Variants in OSBPL6 observed in about 807,000 individuals in gnomAD.
OSBPL6 encodes the protein oxysterol binding protein like 6, also known as oxysterol-binding protein-related protein 6.
OSBPL6 carries 49 observed loss-of-function variants against 125.8 expected under a neutral mutation model. That is an observed-to-expected ratio of 0.39 (90% confidence interval 0.31 to 0.49). The LOEUF is 0.49. OSBPL6 is among the 20% of genes least tolerant of loss of function. The pLI, the probability that OSBPL6 is intolerant of heterozygous loss-of-function variation, is 0.88. For missense variants in OSBPL6, 986 were observed against 1,135.4 expected (o/e 0.87, Z 1.89); for synonymous variants, 394 against 391.8 (o/e 1.01, Z -0.07).
At chr2:178,298,963 T>G (rs1428944777) in intron 2 of OSBPL6, among the ~76,000 whole-genome samples, 3 of 152,232 alleles carry the variant, frequency 2.0e-5, no homozygotes, top group African/African-American at 4.8e-5. Context: ...TTATGAGTCA[T>G]CATTTAAGGT....
At position 178,340,205 on chromosome 2, in the gene OSBPL6, G is replaced by T. The variant is rs565183430; in HGVS notation, c.987+441G>T. ...AGGAGGTTCAATAGATTAGAAATCA[G>T]CAAACCCAGATTCTAGTCTAATCAC... On this transcript the variant is annotated intron_variant, in intron 11 of 24. Coordinates refer to ENST00000190611, the MANE Select transcript of OSBPL6 (RefSeq NM_032523.4). 2.8e-3 allele frequency among the ~76,000 whole-genome samples: 425 copies of T among 152,088 alleles called. 2 individuals are homozygous for T. The highest frequency in any genetic ancestry group is 9.5e-3 in the African/African-American group (396 of 41,524).
chr2:178,209,332 C>T (rs145010219), intron 1 of OSBPL6, among the ~76,000 whole-genome samples: 1 of 152,028 alleles, frequency 6.6e-6, no homozygotes, highest in African/African-American at 2.4e-5. Flanking sequence ...GTGATTTCCT[C>T]AACTTTATTT....
intron 1 of OSBPL6, among the ~76,000 whole-genome samples, chr2:178,267,527 G>A (rs2092273221): frequency 1.3e-5 from 2 of 152,032 alleles, no homozygotes; most frequent in Admixed American, 6.6e-5. Flanking sequence ...TCTCGTTGTA[G>A]GATATATGTA....
At chr2:178,374,436 AG>A (rs1172299127) in intron 15 of OSBPL6, among the ~76,000 whole-genome samples, 2 of 152,226 alleles carry the variant, frequency 1.3e-5, no homozygotes, top group Admixed American at 1.3e-4. Flanking sequence ...TATTTTTGCT[AG>A]GGACATGAAT....
At chr2:178,345,265 C>G (rs192523055) in intron 11 of OSBPL6, among the ~76,000 whole-genome samples, 23 of 152,242 alleles carry the variant, frequency 1.5e-4, no homozygotes, top group Admixed American at 3.9e-4. Flanking sequence ...CTTGCTGTCA[C>G]TAAGGGTGGA....
At chr2:178,310,938 G>A (rs765011935) in intron 3 of OSBPL6, among the ~76,000 whole-genome samples, 9 of 152,064 alleles carry the variant, frequency 5.9e-5, no homozygotes, top group African/African-American at 1.7e-4. Context: ...CTGGACTATC[G>A]TCACAGTTTT....
In OSBPL6 at chr2:178,394,522, TG is replaced by T; in HGVS notation, c.2696+90del. 4.2e-6 allele frequency: 6 copies of T among 1,436,564 alleles called. No individual in the cohort carries two copies. The South Asian group carries it at 6.8e-5, about 16-fold the overall frequency. The allele number at this position is 1,436,564 out of a possible 1,614,324, so 89.0% of individuals were successfully genotyped here. ...AAACTCCAGTTAAATGAAAATAAAA[TG>T]GGTAAATGGATTTTGGTATCTTTGC... On this transcript the variant is annotated intron_variant, in intron 24 of 24. Coordinates refer to ENST00000190611, the MANE Select transcript of OSBPL6 (RefSeq NM_032523.4).
chr2:178,293,034 T>TAA (rs2154047669), intron 2 of OSBPL6, among the ~76,000 whole-genome samples: 1 of 152,258 alleles, frequency 6.6e-6, no homozygotes, highest in African/African-American at 2.4e-5. Flanking sequence ...TATAAGTAGT[T>TAA]AAAGTTTCAG....
intron 4 of OSBPL6, among the ~76,000 whole-genome samples, chr2:178,327,280 G>A (rs1688781483): frequency 6.6e-6 from 1 of 152,148 alleles, no homozygotes; most frequent in Non-Finnish European, 1.5e-5. Context: ...ACTTTCACAA[G>A]TCACACAGAA....
At chr2:178,247,996 T>C (rs1354879642) in intron 1 of OSBPL6, among the ~76,000 whole-genome samples, 1 of 152,190 alleles carries the variant, frequency 6.6e-6, no homozygotes, top group Non-Finnish European at 1.5e-5. Flanking sequence ...CTTGATTATG[T>C]GGTCTTTTGG....
At chr2:178,286,993 A>G (rs541258775) in intron 2 of OSBPL6, among the ~76,000 whole-genome samples, 1 of 152,216 alleles carries the variant, frequency 6.6e-6, no homozygotes, top group South Asian at 2.1e-4. Context: ...TGTCAATTTG[A>G]TATTGAACCA....
intron 12 of OSBPL6, 31 bp downstream of exon 12, chr2:178,349,420 A>C: frequency 6.3e-7 from 1 of 1,599,934 alleles, no homozygotes; most frequent in Non-Finnish European, 8.5e-7. Flanking sequence ...CCCTTTAAAG[A>C]AGCTCTCTTC....
intron 1 of OSBPL6, among the ~76,000 whole-genome samples, chr2:178,229,212 C>T (rs1250139408): frequency 2.0e-5 from 3 of 152,218 alleles, no homozygotes; most frequent in Non-Finnish European, 4.4e-5. Context: ...TCACCTCTTA[C>T]AGGCCCCACC....
intron 1 of OSBPL6, among the ~76,000 whole-genome samples, chr2:178,245,557 C>A (rs1019743225): frequency 6.6e-6 from 1 of 152,032 alleles, no homozygotes; most frequent in African/African-American, 2.4e-5. Context: ...TATGTTAGAC[C>A]CAGTGTGGGA....
At chr2:178,325,938 A>T (rs1454144728) in intron 4 of OSBPL6, among the ~76,000 whole-genome samples, 1 of 152,004 alleles carries the variant, frequency 6.6e-6, no homozygotes, top group East Asian at 1.9e-4. Flanking sequence ...GCCCACTTAG[A>T]TCTTGCTGTA....
intron 1 of OSBPL6, among the ~76,000 whole-genome samples, 164 bp downstream of exon 1, chr2:178,194,838 G>A (rs1312416859): frequency 9.2e-5 from 14 of 152,160 alleles, no homozygotes; most frequent in Non-Finnish European, 8.8e-5. Flanking sequence ...CCCTGGAGGC[G>A]CCCCCGGCCG....
chr2:178,374,630 AG>A (rs1693700767), intron 15 of OSBPL6, among the ~76,000 whole-genome samples: 1 of 152,246 alleles, frequency 6.6e-6, no homozygotes, highest in Non-Finnish European at 1.5e-5. Flanking sequence ...CTTTTGCTAC[AG>A]TGTAGTCAAC....
chr2:178,360,044 C>T (rs942057244), intron 12 of OSBPL6, among the ~76,000 whole-genome samples: 13 of 151,598 alleles, frequency 8.6e-5, no homozygotes, highest in Admixed American at 1.3e-4. Flanking sequence ...TGGCTTGTGC[C>T]GCTGCACTCC....
chr2:178,379,352 G>GGA (rs1694235490), intron 15 of OSBPL6, among the ~76,000 whole-genome samples: 1 of 127,642 alleles, frequency 7.8e-6, no homozygotes, highest in Non-Finnish European at 1.7e-5. Flanking sequence ...GGGAGGGAGG[G>GGA]AGGGGAAGGA....
Sources: gnomAD v4.1 joint callset for allele counts (sites outside exome capture counted in the v4.1 genomes callset) on GRCh38, gnomAD v4.1.1 for gene constraint, MANE v1.5 for transcripts, NCBI Gene and HGNC (gene_info 2026-07-23, HGNC 2026-07-21) for gene names.